The following DNAH14 variants were observed in gnomAD, a reference collection of about 807,000 sequenced individuals.
The protein encoded by DNAH14 is dynein axonemal heavy chain 14.
DNAH14 carries 478 observed loss-of-function variants against 520.9 expected under a neutral mutation model. The ratio of observed to expected loss-of-function variants is 0.92; its 90% CI spans 0.85 to 0.99. DNAH14 has a LOEUF of 0.99. Among genes scored for constraint, DNAH14 ranks in the 50% least tolerant of loss-of-function variants. The probability of loss-of-function intolerance (pLI) is 0.00; values close to 1 mark genes in which losing one functional copy is unlikely to be tolerated. For synonymous variants in DNAH14, 1,581 were observed against 1,757.2 expected, an observed-to-expected ratio of 0.90 and a Z score of 2.51; for missense variants, 4,831 against 5,234.5, an observed-to-expected ratio of 0.92 and a Z score of 2.38.
At chr1:225,357,507 C>G (rs968310400) in intron 73 of DNAH14, among the ~76,000 whole-genome samples, 2 of 152,160 alleles carry the variant, frequency 1.3e-5, no homozygotes, top group Admixed American at 6.5e-5. Flanking sequence ...TTTCACTCAA[C>G]GATTCTAACA....
At chr1:225,370,061 A>T (rs1278316443) in intron 77 of DNAH14, among the ~76,000 whole-genome samples, 1 of 152,238 alleles carries the variant, frequency 6.6e-6, no homozygotes, top group East Asian at 1.9e-4. Flanking sequence ...AGGCCGAGGC[A>T]GTTGGATCAC....
rs367956154 is a variant in DNAH14, at chr1:225,375,438, T to G, written c.12516+553T>G. Reference sequence around the variant, plus strand: ...AGAGGGTTGGACTTGACATAAACTTTGATGGGTGGGAATTTGGATAAGAGA... The same window carrying G: ...AGAGGGTTGGACTTGACATAAACTTGGATGGGTGGGAATTTGGATAAGAGA... On this transcript the variant is annotated intron_variant, in intron 78 of 85. Coordinates refer to ENST00000682510, the MANE Select transcript of DNAH14 (RefSeq NM_001367479.1). Among the ~76,000 whole-genome samples, 53 of 152,232 alleles carry G rather than the reference T, an allele frequency of 3.5e-4. No homozygotes were observed. In the South Asian group the frequency reaches 5.6e-3, roughly 16 times the overall value.
chr1:224,975,581 A>G (rs2061768532), intron 8 of DNAH14, among the ~76,000 whole-genome samples: 1 of 151,154 alleles, frequency 6.6e-6, no homozygotes, highest in Non-Finnish European at 1.5e-5. Context: ...TATCCCCTTT[A>G]TCATTTTTTA....
chr1:225,276,881 A>T (rs914813776), intron 53 of DNAH14, among the ~76,000 whole-genome samples: 2 of 148,608 alleles, frequency 1.3e-5, no homozygotes, highest in Admixed American at 6.8e-5. Context: ...TGATTGTGAA[A>T]CTGCACTCCA....
At chr1:225,145,045 A>G (rs1234473843) in intron 29 of DNAH14, among the ~76,000 whole-genome samples, 1 of 152,100 alleles carries the variant, frequency 6.6e-6, no homozygotes, top group Non-Finnish European at 1.5e-5. Context: ...AAAGCAAAGG[A>G]TATAGTTTGT....
intron 36 of DNAH14, among the ~76,000 whole-genome samples, chr1:225,179,660 G>T (rs1359098106): frequency 6.6e-6 from 1 of 152,134 alleles, no homozygotes; most frequent in Non-Finnish European, 1.5e-5. Flanking sequence ...CACAATTACA[G>T]TATTAGAGTA....
chr1:224,997,415 C>A (rs1032990682), intron 8 of DNAH14, among the ~76,000 whole-genome samples: 1 of 151,910 alleles, frequency 6.6e-6, no homozygotes, highest in Non-Finnish European at 1.5e-5. Context: ...TTTCTCTTAT[C>A]CTTCAAAGGC....
At chr1:225,171,731 A>T (rs1270824406) in intron 36 of DNAH14, among the ~76,000 whole-genome samples, 1 of 152,184 alleles carries the variant, frequency 6.6e-6, no homozygotes, top group African/African-American at 2.4e-5. Context: ...AACTATTCCA[A>T]TCAATAGAAA....
chr1:224,949,542 C>T (rs2125471200), intron 1 of DNAH14, among the ~76,000 whole-genome samples: 1 of 152,170 alleles, frequency 6.6e-6, no homozygotes, highest in African/African-American at 2.4e-5. Flanking sequence ...AATAGTTAAC[C>T]CATCTTTTAT....
intron 27 of DNAH14, among the ~76,000 whole-genome samples, chr1:225,132,210 C>T (rs1428100043): frequency 1.3e-5 from 2 of 150,896 alleles, no homozygotes; most frequent in Non-Finnish European, 3.0e-5. Context: ...TTTTCATCAA[C>T]TTTTATTTTA....
At chr1:225,392,512 A>G in intron 84 of DNAH14, 61 bp downstream of exon 84, 1 of 1,534,518 alleles carries the variant, frequency 6.5e-7, no homozygotes, top group Non-Finnish European at 8.8e-7. Context: ...TATTCATTCA[A>G]TCAATTGTGC....
intron 80 of DNAH14, 122 bp downstream of exon 80, chr1:225,380,444 G>T: frequency 2.7e-6 from 3 of 1,122,136 alleles, no homozygotes; most frequent in South Asian, 1.9e-5. Flanking sequence ...GAGATAAGAT[G>T]GAAAACTCAG....
At chr1:225,015,613 C>T (rs1386488813) in intron 10 of DNAH14, among the ~76,000 whole-genome samples, 1 of 152,152 alleles carries the variant, frequency 6.6e-6, no homozygotes, top group Non-Finnish European at 1.5e-5. Flanking sequence ...AAAAAAGATA[C>T]ACACACAATA....
intron 46 of DNAH14, among the ~76,000 whole-genome samples, chr1:225,261,429 G>A (rs1194613913): frequency 6.6e-6 from 1 of 152,002 alleles, no homozygotes; most frequent in Non-Finnish European, 1.5e-5. Context: ...GTTAATATGG[G>A]ATATCACATT....
At chr1:225,052,658 C>A (rs1379775953) in intron 17 of DNAH14, among the ~76,000 whole-genome samples, 1 of 152,030 alleles carries the variant, frequency 6.6e-6, no homozygotes, top group Admixed American at 6.6e-5. Flanking sequence ...CAATCACAGA[C>A]AATTTTCTAG....
intron 49 of DNAH14, among the ~76,000 whole-genome samples, chr1:225,267,332 T>C (rs2093154148): frequency 6.7e-6 from 1 of 149,186 alleles, no homozygotes; most frequent in South Asian, 2.2e-4. Context: ...TCTCGCTCTG[T>C]CACCAAGCTG....
At chr1:225,198,021 C>A (rs1427415196) in intron 38 of DNAH14, among the ~76,000 whole-genome samples, 1 of 152,036 alleles carries the variant, frequency 6.6e-6, no homozygotes, top group Admixed American at 6.6e-5. Flanking sequence ...ATTTGGATGC[C>A]TTTTATTTCT....
chr1:225,389,004 T>C (rs1013063792), intron 82 of DNAH14, among the ~76,000 whole-genome samples: 2 of 152,224 alleles, frequency 1.3e-5, no homozygotes, highest in Non-Finnish European at 1.5e-5. Flanking sequence ...GTGATCCATC[T>C]GCCTTGGCCT....
intron 12 of DNAH14, among the ~76,000 whole-genome samples, chr1:225,039,778 T>A (rs1186248035): frequency 5.2e-5 from 7 of 135,790 alleles, no homozygotes; most frequent in Non-Finnish European, 7.8e-5. Flanking sequence ...CTTGGGAGGC[T>A]GAGGCAGGAG....
Sources: gnomAD v4.1 joint callset for allele counts (sites outside exome capture counted in the v4.1 genomes callset) on GRCh38, gnomAD v4.1.1 for gene constraint, MANE v1.5 for transcripts, NCBI Gene and HGNC (gene_info 2026-07-23, HGNC 2026-07-21) for gene names.